PXN: variants seen among roughly 807,000 people sequenced by gnomAD.
The protein encoded by PXN is testicular tissue protein Li 134.
Under a neutral mutation model 103.6 loss-of-function variants are expected in PXN, and 61 were observed. The ratio of observed to expected loss-of-function variants is 0.59; its 90% CI spans 0.48 to 0.73. The LOEUF is 0.73. Among genes scored for constraint, PXN ranks in the 30% least tolerant of loss-of-function variants. The probability of loss-of-function intolerance (pLI) is 0.00; values close to 1 mark genes in which losing one functional copy is unlikely to be tolerated. For missense variants in PXN, 1,274 were observed against 1,460.3 expected, an observed-to-expected ratio of 0.87 and a Z score of 2.08; for synonymous variants, 562 against 607.8, an observed-to-expected ratio of 0.92 and a Z score of 1.11.
In PXN at chr12:120,216,222, C is replaced by T; in HGVS notation, c.2301+51G>A. The stretch of plus-strand genomic sequence containing the variant: ...TGTGTGTGTGCAGAGTGGGGGATGG[C>T]TCAGGCATTAGGACAGGGGACAGAA... On this transcript the variant is annotated intron_variant, in intron 9 of 14. Coordinates refer to ENST00000637617, the MANE Select transcript of PXN (RefSeq NM_001385981.1). The surrounding 1 kb of genome is among the most constrained non-coding windows in gnomAD (Gnocchi z 5.1). 7.9e-7 allele frequency: 1 copy of T among 1,268,970 alleles called. No individual in the cohort carries two copies. Among genetic ancestry groups the T allele is most frequent in the Non-Finnish European group, 9.9e-7 (1 of 1,011,002 alleles). The allele number at this position is 1,268,970 out of a possible 1,614,324, so 78.6% of individuals were successfully genotyped here.
At chr12:120,250,131 C>T (rs913427176) in intron 1 of PXN, 3 of 985,630 alleles carry the variant, frequency 3.0e-6, no homozygotes, top group Non-Finnish European at 3.6e-6. Flanking sequence ...CTGCCTTAGC[C>T]GGCCAGCCGA....
chr12:120,238,538 T>C (rs1342001920), intron 1 of PXN, among the ~76,000 whole-genome samples: 1 of 152,148 alleles, frequency 6.6e-6, no homozygotes, highest in Non-Finnish European at 1.5e-5. Context: ...GGAGACACTC[T>C]GGGGCTCCGC....
chr12:120,254,568 T>C (rs903565180), intron 1 of PXN, among the ~76,000 whole-genome samples: 2 of 152,178 alleles, frequency 1.3e-5, no homozygotes, highest in African/African-American at 4.8e-5. Flanking sequence ...TTGTTTTTTT[T>C]GAAATGGAGT....
chr12:120,222,252 G>A lies in PXN; in HGVS notation c.695+297C>T, dbSNP rs950104962. Among the ~76,000 whole-genome samples, 4 of 152,232 alleles carry A rather than the reference G, an allele frequency of 2.6e-5. No homozygotes were observed. Among genetic ancestry groups the A allele is most frequent in the African/African-American group, 9.6e-5 (4 of 41,462 alleles). On this transcript the variant is annotated intron_variant, in intron 5 of 14. Coordinates refer to ENST00000637617, the MANE Select transcript of PXN (RefSeq NM_001385981.1). This position sits in a 1 kb window ranked among gnomAD's most constrained non-coding sequence, Gnocchi z 4.7. ...CAGATGGGAAAACTAAGGCTTGAGAGCTGACAGTAACTGTCAGAGCCAAGA... is the reference window on the plus strand; with the variant it reads ...CAGATGGGAAAACTAAGGCTTGAGAACTGACAGTAACTGTCAGAGCCAAGA...
chr12:120,220,882 G>GTC lies in PXN; in HGVS notation c.831+739_831+740dup, dbSNP rs749489187. ...ATATTCCCTAGGTCATGCCCCAAAGGTCTCCAGCTGACCCACGTGGAAGTA... is the reference window on the plus strand; with the variant it reads ...ATATTCCCTAGGTCATGCCCCAAAGGTCTCTCCAGCTGACCCACGTGGAAGTA... On this transcript the variant is annotated intron_variant, in intron 6 of 14. Transcript: ENST00000637617. This position sits in a 1 kb window ranked among gnomAD's most constrained non-coding sequence, Gnocchi z 6.1. Among the ~76,000 whole-genome samples the GTC allele has an allele frequency of 2.0e-4, 30 of 152,292 alleles. No individual in the cohort carries two copies. Among genetic ancestry groups the GTC allele is most frequent in the African/African-American group, 4.1e-4 (17 of 41,570 alleles).
chr12:120,215,976 C>T lies in PXN; in HGVS notation c.2301+297G>A, dbSNP rs565557874. The stretch of plus-strand genomic sequence containing the variant: ...GGAAGGGAGGAGACAGGTTTCTGGT[C>T]TCCCTTCTGGAGTGGCTTCTTTCCT... On this transcript the variant is annotated intron_variant, in intron 9 of 14. Transcript: ENST00000637617. This position sits in a 1 kb window ranked among gnomAD's most constrained non-coding sequence, Gnocchi z 4.9. The T allele has an allele frequency of 7.3e-7, 1 of 1,377,648 alleles. No homozygotes were observed. Among genetic ancestry groups the T allele is most frequent in the African/African-American group, 1.5e-5 (1 of 67,880 alleles). 85.3% of individuals were successfully genotyped at this position (1,377,648 alleles called of 1,614,324 possible).
chr12:120,249,137 A>AAAATCAAT (rs1555322259), intron 1 of PXN, among the ~76,000 whole-genome samples: 2 of 152,082 alleles, frequency 1.3e-5, no homozygotes, highest in African/African-American at 4.8e-5. Context: ...ACTCTGTCTC[A>AAAATCAAT]AAATAAATAA....
chr12:120,219,356 C>A lies in PXN; in HGVS notation c.1567G>T (p.Ala523Ser), dbSNP rs767540747. Residue 523 changes from alanine (A) to serine (S), a missense_variant, in exon 7 of 15, where the codon GCC (alanine) becomes TCC (serine). By Grantham distance (99) the Ala-to-Ser change is moderately conservative. Transcript: ENST00000637617. This position sits in a 1 kb window ranked among gnomAD's most constrained non-coding sequence, Gnocchi z 6.5. The stretch of plus-strand genomic sequence containing the variant: ...GTTTCAGGTCCCTGGGTTGGCCTGG[C>A]CACACTTCCCCTCTCGGTCATCTTT... ...GAKMTERGSV[A>S]RPTQGPETPR... 2.8e-5 allele frequency: 45 copies of A among 1,598,304 alleles called. No individual in the cohort carries two copies. The highest frequency in any genetic ancestry group is 5.0e-5 in the Admixed American group (3 of 60,002).
rs374624484 is a variant in PXN, at chr12:120,215,092, C to A, written c.2574+11G>T. On this transcript the variant is annotated intron_variant, in intron 11 of 14. Transcript: ENST00000637617. This position sits in a 1 kb window ranked among gnomAD's most constrained non-coding sequence, Gnocchi z 4.9. Reference sequence around the variant, plus strand: ...CCACTGGCCACACCCCTGCCCACTCCCCCTCATCACCTGCCCGGCGATGGG... The same window carrying A: ...CCACTGGCCACACCCCTGCCCACTCACCCTCATCACCTGCCCGGCGATGGG... 1 of 1,584,164 alleles carries A rather than the reference C, an allele frequency of 6.3e-7. No individual in the cohort carries two copies. The highest frequency in any genetic ancestry group is 8.6e-7 in the Non-Finnish European group (1 of 1,162,950).
In PXN at chr12:120,215,825, T is replaced by G. The variant is rs1882733752; in HGVS notation, c.2302-164A>C. ...GAAAAAATCTGGAGAAAAAGAGCCC[T>G]GAGAGAGAGGCCTAGGGAGAAAGGA... On this transcript the variant is annotated intron_variant, in intron 9 of 14. Transcript: ENST00000637617. This position sits in a 1 kb window ranked among gnomAD's most constrained non-coding sequence, Gnocchi z 4.9. The G allele has an allele frequency of 1.5e-6, 2 of 1,294,072 alleles. No homozygotes were observed. Among genetic ancestry groups the G allele is most frequent in the African/African-American group, 3.0e-5 (2 of 65,862 alleles). 80.2% of individuals were successfully genotyped at this position (1,294,072 alleles called of 1,614,324 possible).
chr12:120,256,877 C>A (rs1893101698), intron 1 of PXN, among the ~76,000 whole-genome samples: 1 of 152,050 alleles, frequency 6.6e-6, no homozygotes, highest in Non-Finnish European at 1.5e-5. Flanking sequence ...GCCACCACGC[C>A]CAGCTAATTT....
chr12:120,232,651 T>A (rs1215692423), intron 1 of PXN, among the ~76,000 whole-genome samples: 1 of 152,132 alleles, frequency 6.6e-6, no homozygotes, highest in African/African-American at 2.4e-5. Context: ...CCAGGCAAGT[T>A]GATCTGTTGC....
In PXN at chr12:120,212,640, T is replaced by A; in HGVS notation, c.2980-60A>T. The A allele has an allele frequency of 6.4e-7, 1 of 1,564,898 alleles. No homozygotes were observed. Among genetic ancestry groups the A allele is most frequent in the Non-Finnish European group, 8.7e-7 (1 of 1,154,470 alleles). Reference sequence around the variant, plus strand: ...CCTCGGGCTAGAGCTGCACCCTGTGTGATGGGGCCGAGGTGGGCATAGTCG... The same window carrying A: ...CCTCGGGCTAGAGCTGCACCCTGTGAGATGGGGCCGAGGTGGGCATAGTCG... On this transcript the variant is annotated intron_variant, in intron 14 of 14. Transcript: ENST00000637617. The surrounding 1 kb of genome is among the most constrained non-coding windows in gnomAD (Gnocchi z 7.2).
intron 1 of PXN, among the ~76,000 whole-genome samples, chr12:120,260,702 A>G (rs530961971): frequency 2.0e-5 from 3 of 152,334 alleles, no homozygotes; most frequent in Non-Finnish European, 1.5e-5. Flanking sequence ...ACAATGGCTC[A>G]TGCCTGTAAT....
At chr12:120,232,088 C>G (rs1399493162) in intron 1 of PXN, among the ~76,000 whole-genome samples, 1 of 152,230 alleles carries the variant, frequency 6.6e-6, no homozygotes, top group Non-Finnish European at 1.5e-5. Flanking sequence ...GAGGCCTGAT[C>G]ACAGCTCATT....
rs1331333976 is a variant in PXN, at chr12:120,214,770, C to T, written c.2748+55G>A. The stretch of plus-strand genomic sequence containing the variant: ...CGGCACCCCCTGCATCCTCAGAGGG[C>T]TGCGGTGAAGCTGGAATGAGCGGAA... On this transcript the variant is annotated intron_variant, in intron 12 of 14. Transcript: ENST00000637617. The surrounding 1 kb of genome is among the most constrained non-coding windows in gnomAD (Gnocchi z 5.0). 3 of 1,599,622 alleles carry T rather than the reference C, an allele frequency of 1.9e-6. No homozygotes were observed. The Admixed American group carries it at 5.0e-5, about 27-fold the overall frequency.
intron 2 of PXN, 86 bp from the exon 3 acceptor site, chr12:120,223,919 C>T: frequency 9.3e-7 from 1 of 1,074,104 alleles, no homozygotes; most frequent in Non-Finnish European, 1.4e-6. Context: ...CCCCAGGAGG[C>T]TCCTGCCCAC....
intron 1 of PXN, among the ~76,000 whole-genome samples, chr12:120,256,715 T>TTTG (rs913257514): frequency 5.3e-5 from 8 of 151,990 alleles, no homozygotes; most frequent in Admixed American, 6.6e-5. Context: ...AGGGTTTTTT[T>TTTG]TTGTTGTTGT....
chr12:120,247,038 T>A (rs1462322882), intron 1 of PXN, among the ~76,000 whole-genome samples: 9 of 148,760 alleles, frequency 6.1e-5, no homozygotes, highest in South Asian at 2.1e-4. Flanking sequence ...TAAAAAAAAA[T>A]TTTAAAAAAA....
Sources: allele counts gnomAD v4.1 joint callset (sites outside exome capture counted in the v4.1 genomes callset), GRCh38; gene constraint gnomAD v4.1.1; non-coding constraint Gnocchi (gnomAD v3.1); transcripts MANE v1.5; gene names NCBI Gene and HGNC (gene_info 2026-07-23, HGNC 2026-07-21).